SH3BGRL2: variants seen among roughly 807,000 people sequenced by gnomAD.
SH3BGRL2 encodes SH3 domain binding glutamate rich protein like 2, also known as SH3 domain-binding glutamic acid-rich-like protein 2.
Under a neutral mutation model 14.8 loss-of-function variants are expected in SH3BGRL2, and 21 were observed. The ratio of observed to expected loss-of-function variants is 1.42; its 90% confidence interval spans 1.01 to 2.05. The LOEUF is 2.05. SH3BGRL2 is among the 30% of genes most tolerant of loss of function. The pLI, the probability that SH3BGRL2 is intolerant of heterozygous loss-of-function variation, is 0.00. For synonymous variants in SH3BGRL2, 50 were observed against 47.8 expected (o/e 1.05, Z -0.19); for missense variants, 147 against 130.8 (o/e 1.12, Z -0.61).
At chr6:79,659,601 G>C (rs1769498927) in intron 1 of SH3BGRL2, among the ~76,000 whole-genome samples, 3 of 152,152 alleles carry the variant, frequency 2.0e-5, no homozygotes, top group African/African-American at 4.8e-5. Flanking sequence ...TTTTTGCTTA[G>C]GATTGTCTTG....
chr6:79,548,260 G>A, the SH3BGRL2 span, among the ~76,000 whole-genome samples: 1 of 151,902 alleles, frequency 6.6e-6, no homozygotes. Flanking sequence ...TTTATAGTAG[G>A]TTTATATTTC....
chr6:79,636,943 C>G (rs1012707673), intron 1 of SH3BGRL2, among the ~76,000 whole-genome samples: 1 of 152,216 alleles, frequency 6.6e-6, no homozygotes, highest in Middle Eastern at 3.4e-3. Context: ...TTTATAGGTA[C>G]TGGGGGTTAG....
chr6:79,622,274 T>G, the SH3BGRL2 span, among the ~76,000 whole-genome samples: 1 of 152,168 alleles, frequency 6.6e-6, no homozygotes, highest in Admixed American at 6.5e-5. Context: ...ATTCATTTCC[T>G]CCAGCACCTC....
the SH3BGRL2 span, among the ~76,000 whole-genome samples, chr6:79,563,158 T>C: frequency 1.3e-5 from 2 of 149,448 alleles, no homozygotes; most frequent in Non-Finnish European, 3.0e-5. Flanking sequence ...TTTTTTTTTT[T>C]AGTAGAGACG....
the SH3BGRL2 span, among the ~76,000 whole-genome samples, chr6:79,601,348 C>T: frequency 2.0e-5 from 3 of 152,088 alleles, no homozygotes; most frequent in Admixed American, 6.6e-5. Flanking sequence ...AGCACCACAC[C>T]CAGCTAATTT....
chr6:79,641,262 G>A (rs1769029894), intron 1 of SH3BGRL2, among the ~76,000 whole-genome samples: 3 of 151,622 alleles, frequency 2.0e-5, no homozygotes. Flanking sequence ...ATGTTCATTA[G>A]CGTGGTTTCT....
the SH3BGRL2 span, among the ~76,000 whole-genome samples, chr6:79,573,652 G>T: frequency 3.3e-5 from 5 of 152,098 alleles, no homozygotes; most frequent in South Asian, 1.0e-3. Flanking sequence ...CTCTTTTAAA[G>T]TATCAATAAA....
chr6:79,696,372 T>C, intron 2 of SH3BGRL2, 113 bp from the exon 3 acceptor site: 1 of 728,048 alleles, frequency 1.4e-6, no homozygotes, highest in Non-Finnish European at 2.3e-6. Flanking sequence ...TTCCCTGATC[T>C]GGACAGAGCA....
At chr6:79,557,208 T>C in the SH3BGRL2 span, among the ~76,000 whole-genome samples, 1 of 151,746 alleles carries the variant, frequency 6.6e-6, no homozygotes, top group Admixed American at 6.6e-5. Context: ...AAATAAAAAT[T>C]TTTTACTTTT....
At chr6:79,551,068 AAG>A in the SH3BGRL2 span, among the ~76,000 whole-genome samples, 2 of 152,360 alleles carry the variant, frequency 1.3e-5, no homozygotes, top group East Asian at 3.9e-4. Flanking sequence ...AAAGAAAAGA[AAG>A]AAATATCCAC....
chr6:79,661,576 G>GCGAT (rs1486332065), intron 1 of SH3BGRL2, among the ~76,000 whole-genome samples: 1 of 152,158 alleles, frequency 6.6e-6, no homozygotes, highest in Non-Finnish European at 1.5e-5. Flanking sequence ...TAGAATAAGT[G>GCGAT]CGATATGGTG....
chr6:79,685,930 G>A (rs1483255491), intron 2 of SH3BGRL2, among the ~76,000 whole-genome samples: 2 of 152,234 alleles, frequency 1.3e-5, no homozygotes, highest in Non-Finnish European at 2.9e-5. Flanking sequence ...TCTAATTTGT[G>A]TGTCCTGAAA....
chr6:79,629,404 C>T (rs1435561433), upstream of SH3BGRL2, among the ~76,000 whole-genome samples: 1 of 151,972 alleles, frequency 6.6e-6, no homozygotes, highest in Admixed American at 6.6e-5. Context: ...AAGCTGTGGT[C>T]AGAGGGTTAG....
At chr6:79,565,570 G>A in the SH3BGRL2 span, among the ~76,000 whole-genome samples, 2 of 152,082 alleles carry the variant, frequency 1.3e-5, no homozygotes, top group Non-Finnish European at 2.9e-5. Flanking sequence ...CAGTAGAGAC[G>A]CTATTTATTA....
chr6:79,682,285 T>A (rs982991246), intron 2 of SH3BGRL2, among the ~76,000 whole-genome samples: 1 of 152,186 alleles, frequency 6.6e-6, no homozygotes, highest in Non-Finnish European at 1.5e-5. Flanking sequence ...ATATATTGCC[T>A]CTTTTTAATT....
chr6:79,584,928 C>A, the SH3BGRL2 span, among the ~76,000 whole-genome samples: 1 of 151,960 alleles, frequency 6.6e-6, no homozygotes, highest in East Asian at 1.9e-4. Context: ...AACAAATATA[C>A]CATATTTCAT....
At chr6:79,637,998 A>G (rs906594661) in intron 1 of SH3BGRL2, among the ~76,000 whole-genome samples, 5 of 152,202 alleles carry the variant, frequency 3.3e-5, no homozygotes, top group African/African-American at 1.2e-4. Flanking sequence ...AGTTTTTTTA[A>G]CTGACACATA....
At chr6:79,682,749 A>C (rs1224489257) in intron 2 of SH3BGRL2, among the ~76,000 whole-genome samples, 1 of 152,268 alleles carries the variant, frequency 6.6e-6, no homozygotes, top group Non-Finnish European at 1.5e-5. Context: ...GTAAAGACAC[A>C]TGCACACATA....
the SH3BGRL2 span, among the ~76,000 whole-genome samples, chr6:79,600,805 C>T: frequency 3.9e-5 from 6 of 152,138 alleles, no homozygotes; most frequent in Non-Finnish European, 8.8e-5. Flanking sequence ...AGTGGGTTCC[C>T]AGCTTCTTTT....
Sources: allele counts gnomAD v4.1 joint callset (sites outside exome capture counted in the v4.1 genomes callset), GRCh38; gene constraint gnomAD v4.1.1; transcripts MANE v1.5; gene names NCBI Gene and HGNC (gene_info 2026-07-23, HGNC 2026-07-21).